MACROD2: variants seen among roughly 807,000 people sequenced by gnomAD.
MACROD2 encodes the protein ADP-ribose glycohydrolase MACROD2.
A neutral mutation model predicts 70.4 loss-of-function variants in MACROD2; 36 were observed. The ratio of observed to expected loss-of-function variants is 0.51; its 90% confidence interval spans 0.39 to 0.68. The LOEUF (loss-of-function observed/expected upper bound fraction) is 0.68, where lower values mean the gene tolerates loss of function less well. MACROD2 is among the 30% of genes least tolerant of loss of function. MACROD2 has a pLI of 0.00. For missense variants in MACROD2, 496 were observed against 538.4 expected, an observed-to-expected ratio of 0.92 and a Z score of 0.78; for synonymous variants, 172 against 178.8, an observed-to-expected ratio of 0.96 and a Z score of 0.30.
intron 3 of MACROD2, among the ~76,000 whole-genome samples, chr20:14,170,815 A>G (rs1424632491): frequency 6.6e-6 from 1 of 151,796 alleles, no homozygotes; most frequent in Non-Finnish European, 1.5e-5. Context: ...TCCTTTTTTT[A>G]TTATGTGCTT....
chr20:15,321,434 C>T (rs2077873006), intron 6 of MACROD2, among the ~76,000 whole-genome samples: 1 of 144,084 alleles, frequency 6.9e-6, no homozygotes, highest in Non-Finnish European at 1.6e-5. Flanking sequence ...ACTTCCCAGT[C>T]ATATCTTGAA....
At chr20:14,067,365 C>T (rs1467426288) in intron 2 of MACROD2, among the ~76,000 whole-genome samples, 5 of 152,220 alleles carry the variant, frequency 3.3e-5, no homozygotes. Flanking sequence ...TCATGATCTG[C>T]CCGCCTGGGC....
intron 3 of MACROD2, among the ~76,000 whole-genome samples, chr20:14,345,297 A>G (rs375959742): frequency 5.3e-5 from 8 of 152,196 alleles, no homozygotes; most frequent in African/African-American, 1.4e-4. Context: ...CCTTACAAGC[A>G]AATCTTTCTA....
chr20:15,785,562 CAG>C (rs1343772433), intron 8 of MACROD2, among the ~76,000 whole-genome samples: 2 of 152,088 alleles, frequency 1.3e-5, no homozygotes, highest in Non-Finnish European at 2.9e-5. Flanking sequence ...AATTATGCAG[CAG>C]AGTTATTTTC....
intron 5 of MACROD2, among the ~76,000 whole-genome samples, chr20:15,191,645 A>G (rs2076571139): frequency 6.6e-6 from 1 of 152,216 alleles, no homozygotes; most frequent in African/African-American, 2.4e-5. Context: ...GCTGCAGGGC[A>G]TAAGCCATTC....
chr20:15,829,901 C>T (rs2064036049), intron 8 of MACROD2, among the ~76,000 whole-genome samples: 1 of 152,096 alleles, frequency 6.6e-6, no homozygotes, highest in Non-Finnish European at 1.5e-5. Flanking sequence ...GGAGTTGAAT[C>T]TGGAAGGAAG....
chr20:14,171,905 G>A (rs1373401908), intron 3 of MACROD2, among the ~76,000 whole-genome samples: 3 of 152,146 alleles, frequency 2.0e-5, no homozygotes, highest in African/African-American at 7.2e-5. Flanking sequence ...TTTCTGTCTT[G>A]ATGACCTGTC....
At chr20:15,636,484 C>A (rs2049371287) in intron 8 of MACROD2, among the ~76,000 whole-genome samples, 2 of 152,044 alleles carry the variant, frequency 1.3e-5, no homozygotes, top group African/African-American at 4.8e-5. Context: ...TCATCTCAAC[C>A]CTATAGGGGG....
intron 6 of MACROD2, among the ~76,000 whole-genome samples, chr20:15,306,992 C>T (rs1258701042): frequency 6.6e-6 from 1 of 152,026 alleles, no homozygotes; most frequent in Non-Finnish European, 1.5e-5. Flanking sequence ...CATGTCACAT[C>T]GTGAGAGAGG....
At chr20:16,030,733 A>T (rs1277597874) in intron 15 of MACROD2, among the ~76,000 whole-genome samples, 1 of 152,236 alleles carries the variant, frequency 6.6e-6, no homozygotes, top group Admixed American at 6.5e-5. Context: ...TTACTGACAA[A>T]GAAAAAAGGT....
intron 8 of MACROD2, among the ~76,000 whole-genome samples, chr20:15,729,166 A>C (rs1441965416): frequency 3.3e-5 from 5 of 152,068 alleles, no homozygotes; most frequent in Non-Finnish European, 5.9e-5. Context: ...TCAGGAGCAC[A>C]TTGTTTAATT....
chr20:14,137,218 C>T (rs893987369), intron 3 of MACROD2, among the ~76,000 whole-genome samples: 26 of 148,680 alleles, frequency 1.7e-4, no homozygotes, highest in African/African-American at 6.1e-4. Context: ...ATAACATAAA[C>T]AGTTGATTAA....
intron 8 of MACROD2, among the ~76,000 whole-genome samples, chr20:15,631,671 A>G (rs1370426790): frequency 6.6e-6 from 1 of 152,080 alleles, no homozygotes; most frequent in Non-Finnish European, 1.5e-5. Context: ...TGCCCCTTCT[A>G]CTCTGCTGAC....
chr20:14,426,410 A>AT lies in MACROD2; in HGVS notation c.272-67062dup, dbSNP rs563285920. 5.4e-3 allele frequency among the ~76,000 whole-genome samples: 819 copies of AT among 151,800 alleles called. 10 individuals are homozygous for AT. The highest frequency in any genetic ancestry group is 0.019 in the African/African-American group (775 of 41,418). ...CTTATCTCTCTGATATTAATAATAGATTTTTTTAAAGTTTTCTTATTTCTG... is the reference window on the plus strand; with the variant it reads ...CTTATCTCTCTGATATTAATAATAGATTTTTTTTAAAGTTTTCTTATTTCTG... On this transcript the variant is annotated intron_variant, in intron 3 of 17. Transcript: ENST00000684519.
intron 3 of MACROD2, among the ~76,000 whole-genome samples, chr20:14,303,755 G>C (rs934646643): frequency 3.3e-5 from 5 of 152,052 alleles, no homozygotes; most frequent in Admixed American, 2.0e-4. Context: ...ACCACTCCCT[G>C]TGTCTTCCAA....
chr20:14,757,957 C>G, intron 5 of MACROD2: 1 of 938,194 alleles, frequency 1.1e-6, no homozygotes, highest in Non-Finnish European at 1.7e-6. Context: ...GTGCTGTGCC[C>G]CCTGGTGCCG....
chr20:14,853,281 G>A (rs2073219308), intron 5 of MACROD2, among the ~76,000 whole-genome samples: 4 of 151,942 alleles, frequency 2.6e-5, no homozygotes, highest in Admixed American at 2.6e-4. Flanking sequence ...TTAGGCCAGA[G>A]GAAGTGGGTT....
intron 3 of MACROD2, among the ~76,000 whole-genome samples, chr20:14,377,389 T>A (rs2083381987): frequency 6.6e-6 from 1 of 152,238 alleles, no homozygotes; most frequent in African/African-American, 2.4e-5. Context: ...TGTTATTGAA[T>A]ACTTAGAGTG....
At chr20:15,806,754 A>G (rs778076449) in intron 8 of MACROD2, among the ~76,000 whole-genome samples, 1 of 152,232 alleles carries the variant, frequency 6.6e-6, no homozygotes, top group Non-Finnish European at 1.5e-5. Context: ...TAATTTTGTT[A>G]CATATGAAAA....
Sources: allele counts gnomAD v4.1 joint callset (sites outside exome capture counted in the v4.1 genomes callset), GRCh38; gene constraint gnomAD v4.1.1; transcripts MANE v1.5; gene names NCBI Gene and HGNC (gene_info 2026-07-23, HGNC 2026-07-21).